The following CTBP2 variants were observed in gnomAD, a reference collection of about 807,000 sequenced individuals.
The protein encoded by CTBP2 is C-terminal binding protein 2.
In CTBP2, 30 loss-of-function variants were observed where a neutral mutation model predicts 80.3. The observed-to-expected ratio is 0.37, with a 90% CI of 0.28 to 0.51. CTBP2 has a LOEUF of 0.51. Among genes scored for constraint, CTBP2 ranks in the 20% least tolerant of loss-of-function variants. The pLI is 0.93. For synonymous variants in CTBP2, 594 were observed against 587.4 expected (o/e 1.01, Z -0.16); for missense variants, 1,212 against 1,375.3 (o/e 0.88, Z 1.88).
At chr10:125,140,288 T>C (rs1857582660) in intron 1 of CTBP2, among the ~76,000 whole-genome samples, 1 of 151,682 alleles carries the variant, frequency 6.6e-6, no homozygotes, top group African/African-American at 2.4e-5. Flanking sequence ...TTTCTCATAC[T>C]GCAAATGCAC....
intron 2 of CTBP2, among the ~76,000 whole-genome samples, chr10:125,051,103 A>G (rs1167030223): frequency 6.6e-6 from 1 of 152,216 alleles, no homozygotes; most frequent in Admixed American, 6.5e-5. Flanking sequence ...GAGACATTTT[A>G]TGGGGATATT....
In CTBP2 at chr10:125,003,321, G is replaced by A. The variant is rs535205127; in HGVS notation, c.1833+17C>T. 4.3e-5 allele frequency: 69 copies of A among 1,605,334 alleles called. No homozygotes were observed. Among genetic ancestry groups the A allele is most frequent in the South Asian group, 5.5e-5 (5 of 90,526 alleles). On this transcript the variant is annotated intron_variant, in intron 2 of 8. Coordinates refer to ENST00000309035, the MANE Select transcript of CTBP2 (RefSeq NM_022802.3). ...CCCAAGGTCAGTGCAGGCCCCGGCCGGGCAGGGTGGGCCCACCTTCTCGTG... is the reference window on the plus strand; with the variant it reads ...CCCAAGGTCAGTGCAGGCCCCGGCCAGGCAGGGTGGGCCCACCTTCTCGTG...
chr10:125,030,811 T>A (rs977018924), upstream of CTBP2, among the ~76,000 whole-genome samples: 16 of 152,170 alleles, frequency 1.1e-4, no homozygotes, highest in African/African-American at 3.9e-4. Context: ...GGAGGCAACT[T>A]AAGTTCCCAA....
At chr10:125,145,721 T>C (rs1301544935) in intron 1 of CTBP2, among the ~76,000 whole-genome samples, 3 of 152,202 alleles carry the variant, frequency 2.0e-5, no homozygotes, top group Admixed American at 1.3e-4. Flanking sequence ...TCCCTAATAA[T>C]AATAATGGTA....
chr10:125,100,293 G>A (rs1850415731), intron 2 of CTBP2, among the ~76,000 whole-genome samples: 1 of 152,198 alleles, frequency 6.6e-6, no homozygotes, highest in Non-Finnish European at 1.5e-5. Context: ...AATTCTCAGA[G>A]TACAATGTCA....
At chr10:125,151,501 A>G (rs1157087999) in intron 1 of CTBP2, among the ~76,000 whole-genome samples, 1 of 152,180 alleles carries the variant, frequency 6.6e-6, no homozygotes, top group Admixed American at 6.5e-5. Context: ...GGTCACCCCC[A>G]AACACTGCCC....
intron 1 of CTBP2, among the ~76,000 whole-genome samples, chr10:125,132,205 C>G (rs1250497569): frequency 2.0e-5 from 3 of 152,058 alleles, no homozygotes; most frequent in African/African-American, 7.2e-5. Context: ...ATGCCAAACT[C>G]TAAAACTTTT....
chr10:125,158,516 TATAGA>T (rs1262280544), intron 1 of CTBP2: 21 of 152,248 alleles, frequency 1.4e-4, no homozygotes, highest in African/African-American at 4.3e-4. Context: ...AATGCATATT[TATAGA>T]ATAGAATTCT....
At chr10:125,158,920 G>A (rs987438637) in intron 1 of CTBP2, among the ~76,000 whole-genome samples, 5 of 151,752 alleles carry the variant, frequency 3.3e-5, no homozygotes, top group Non-Finnish European at 7.4e-5. Context: ...GTGCGCGCGT[G>A]TGTGTCTCGG....
intron 1 of CTBP2, chr10:125,138,139 A>C (rs1857237867): frequency 6.6e-6 from 1 of 152,296 alleles, no homozygotes; most frequent in Non-Finnish European, 1.5e-5. Flanking sequence ...AGTCCAGGGC[A>C]GGTTGCTGAT....
chr10:124,997,799 TG>T, intron 4 of CTBP2, 164 bp downstream of exon 6: 1 of 661,984 alleles, frequency 1.5e-6, no homozygotes, highest in Non-Finnish European at 2.5e-6. Flanking sequence ...AGTTGCCTGA[TG>T]GGTCTTGACT....
intron 1 of CTBP2, among the ~76,000 whole-genome samples, chr10:125,136,392 T>A (rs963777750): frequency 6.6e-6 from 1 of 152,164 alleles, no homozygotes; most frequent in Non-Finnish European, 1.5e-5. Context: ...TCTGGTTGGG[T>A]GGTCAGCTCC....
At chr10:125,008,350 G>A (rs961923041) in intron 1 of CTBP2, among the ~76,000 whole-genome samples, 20 of 152,320 alleles carry the variant, frequency 1.3e-4, no homozygotes, top group African/African-American at 4.8e-4. Flanking sequence ...GTTCCTGACA[G>A]GGGCTACGGC....
chr10:125,136,618 T>TA (rs1857009900), intron 1 of CTBP2, among the ~76,000 whole-genome samples: 1 of 152,196 alleles, frequency 6.6e-6, no homozygotes, highest in African/African-American at 2.4e-5. Context: ...TTGCAGGAAT[T>TA]ATGCCCTCAG....
intron 1 of CTBP2, among the ~76,000 whole-genome samples, chr10:125,151,539 T>C (rs771038764): frequency 2.0e-5 from 3 of 152,102 alleles, no homozygotes; most frequent in African/African-American, 7.2e-5. Context: ...GCCGGTCAAG[T>C]GGAAATGATG....
chr10:125,159,525 C>A (rs1050884865), intron 1 of CTBP2, among the ~76,000 whole-genome samples: 2 of 148,704 alleles, frequency 1.3e-5, no homozygotes, highest in African/African-American at 4.9e-5. Flanking sequence ...CAGATGTGGC[C>A]CGGCTGCCCG....
chr10:125,016,300 C>T (rs1956479833), intron 1 of CTBP2, among the ~76,000 whole-genome samples: 1 of 152,216 alleles, frequency 6.6e-6, no homozygotes, highest in Non-Finnish European at 1.5e-5. Context: ...GGGGCCACCA[C>T]TGAGTCACTG....
Position 125,026,822 on chromosome 10 carries a change from T to A in CTBP2, c.938A>T (p.Gln313Leu). Residue 313 changes from glutamine (Q) to leucine (L), a missense_variant, in exon 1 of 9, where the codon CAG becomes CTG. Physicochemically the swap from Gln to Leu is moderately radical, Grantham distance 113. Coordinates refer to ENST00000309035, the MANE Select transcript of CTBP2 (RefSeq NM_022802.3). ...CAGGACGGCCGGGGAGTCAAAGCCCTGCTGCAGTAGGGCTCCCAGCGTGGC... is the reference window on the plus strand; with the variant it reads ...CAGGACGGCCGGGGAGTCAAAGCCCAGCTGCAGTAGGGCTCCCAGCGTGGC... The A allele has an allele frequency of 6.2e-7, 1 of 1,613,464 alleles. No homozygotes were observed. Among genetic ancestry groups the A allele is most frequent in the Non-Finnish European group, 8.5e-7 (1 of 1,179,976 alleles).
intron 1 of CTBP2, among the ~76,000 whole-genome samples, chr10:125,156,958 G>A (rs976336554): frequency 2.6e-5 from 4 of 152,168 alleles, no homozygotes; most frequent in African/African-American, 9.7e-5. Context: ...AACAATGGCA[G>A]GGAAAGCACA....
Sources: allele counts gnomAD v4.1 joint callset (sites outside exome capture counted in the v4.1 genomes callset), GRCh38; gene constraint gnomAD v4.1.1; transcripts MANE v1.5; gene names NCBI Gene and HGNC (gene_info 2026-07-23, HGNC 2026-07-21).